The following XPO6 variants were observed in gnomAD, a reference collection of about 807,000 sequenced individuals.
The protein encoded by XPO6 is exportin-6.
XPO6 carries 3 observed loss-of-function variants against 130.0 expected under a neutral mutation model. That is an observed-to-expected ratio of 0.02 (90% confidence interval 0.01 to 0.06). XPO6 has a LOEUF of 0.06. Among genes scored for constraint, XPO6 ranks in the 10% least tolerant of loss-of-function variants. The pLI is 1.00. For synonymous variants in XPO6, 524 were observed against 548.9 expected, an observed-to-expected ratio of 0.95 and a Z score of 0.63; for missense variants, 970 against 1,393.0, an observed-to-expected ratio of 0.70 and a Z score of 4.83.
intron 1 of XPO6, among the ~76,000 whole-genome samples, chr16:28,205,303 C>T (rs747177273): frequency 3.9e-5 from 6 of 152,188 alleles, no homozygotes; most frequent in Non-Finnish European, 8.8e-5. Context: ...CCTTCACTCT[C>T]ACTTCACACC....
At position 28,175,879 on chromosome 16, in the gene XPO6, T is replaced by G; in HGVS notation, c.405+19A>C. ...AACAAACTATTCACAAGATAAAGTT[T>G]CCTTAGGCATATCCTTACCTGTAAA... On this transcript the variant is annotated intron_variant, in intron 4 of 23. Coordinates refer to ENST00000304658, the MANE Select transcript of XPO6 (RefSeq NM_015171.4). The G allele has an allele frequency of 6.2e-7, 1 of 1,607,660 alleles. No homozygotes were observed. Among genetic ancestry groups the G allele is most frequent in the Non-Finnish European group, 8.5e-7 (1 of 1,174,364 alleles).
intron 8 of XPO6, among the ~76,000 whole-genome samples, chr16:28,150,278 C>G (rs1024610777): frequency 1.3e-5 from 2 of 152,150 alleles, no homozygotes; most frequent in African/African-American, 4.8e-5. Context: ...ATTCCAGGTA[C>G]AGAGAGGAGG....
intron 1 of XPO6, among the ~76,000 whole-genome samples, chr16:28,198,998 G>C (rs2043911786): frequency 6.6e-6 from 1 of 152,034 alleles, no homozygotes; most frequent in African/African-American, 2.4e-5. Context: ...ATAAAAATTA[G>C]CCGGGCGTGG....
intron 4 of XPO6, among the ~76,000 whole-genome samples, chr16:28,171,735 T>A (rs186275868): frequency 2.0e-5 from 3 of 152,338 alleles, no homozygotes; most frequent in Admixed American, 2.0e-4. Flanking sequence ...TTCTACAAAT[T>A]GGGCCTATTT....
rs549297751 is a variant in XPO6, at chr16:28,184,665, G to C, written c.4-3634C>G. Among the ~76,000 whole-genome samples the C allele has an allele frequency of 2.0e-5, 3 of 150,888 alleles. No individual in the cohort carries two copies. In the East Asian group the frequency reaches 5.8e-4, roughly 29 times the overall value. On this transcript the variant is annotated intron_variant, in intron 1 of 23. Coordinates refer to ENST00000304658, the MANE Select transcript of XPO6 (RefSeq NM_015171.4). Reference sequence around the variant, plus strand: ...CAGGCAAATAATTAATTATAAAAGAGGGTATTCAAAAAGCCTATAAATAAG... The same window carrying C: ...CAGGCAAATAATTAATTATAAAAGACGGTATTCAAAAAGCCTATAAATAAG...
intron 21 of XPO6, among the ~76,000 whole-genome samples, chr16:28,103,926 G>C (rs1300175482): frequency 6.6e-6 from 1 of 152,240 alleles, no homozygotes; most frequent in Admixed American, 6.5e-5. Context: ...CCCCTAGCTA[G>C]ACTCAGATGA....
intron 13 of XPO6, among the ~76,000 whole-genome samples, chr16:28,123,718 T>C (rs1285470615): frequency 6.6e-6 from 1 of 152,162 alleles, no homozygotes; most frequent in Non-Finnish European, 1.5e-5. Flanking sequence ...CAGAAAACAA[T>C]ATACCAATAT....
At position 28,156,409 on chromosome 16, in the gene XPO6, G is replaced by A; in HGVS notation, c.762C>T (p.Ala254=). The A allele has an allele frequency of 6.2e-7, 1 of 1,613,934 alleles. No homozygotes were observed. Among genetic ancestry groups the A allele is most frequent in the Non-Finnish European group, 8.5e-7 (1 of 1,179,996 alleles). The change falls in exon 7 of 24, where the codon GCC becomes GCT. Residue 254 remains alanine (A), a synonymous_variant. Coordinates refer to ENST00000304658, the MANE Select transcript of XPO6 (RefSeq NM_015171.4). ...ACAGAGGAATCCAACTGAAGAGATGGGCCAGGCACTCCAAAGCCAGGGAAC... is the reference window on the plus strand; with the variant it reads ...ACAGAGGAATCCAACTGAAGAGATGAGCCAGGCACTCCAAAGCCAGGGAAC... ...YICSLALECL[A]HLFSWIPLSA...
intron 20 of XPO6, among the ~76,000 whole-genome samples, chr16:28,105,101 T>C (rs2086744353): frequency 6.6e-6 from 1 of 152,246 alleles, no homozygotes; most frequent in Non-Finnish European, 1.5e-5. Context: ...ATCTTCTTGC[T>C]TGTTCCTTTT....
At chr16:28,193,011 T>A (rs1446058352) in intron 1 of XPO6, among the ~76,000 whole-genome samples, 1 of 152,166 alleles carries the variant, frequency 6.6e-6, no homozygotes. Context: ...GCATTCTTCA[T>A]CTGTATTGGC....
intron 4 of XPO6, among the ~76,000 whole-genome samples, chr16:28,172,504 A>C (rs976291263): frequency 1.3e-5 from 2 of 152,146 alleles, no homozygotes; most frequent in Non-Finnish European, 2.9e-5. Flanking sequence ...CAGGAATTTG[A>C]AGAACAGGTT....
At position 28,156,499 on chromosome 16, in the gene XPO6, A is replaced by G. The variant is rs374385487; in HGVS notation, c.672T>C (p.Ser224=). 2 of 1,586,216 alleles carry G rather than the reference A, an allele frequency of 1.3e-6. No individual in the cohort carries two copies. The highest frequency in any genetic ancestry group is 1.7e-5 in the Admixed American group (1 of 58,466). Residue 224 remains serine, a synonymous_variant, in exon 7 of 24, where the codon AGT becomes AGC. Transcript: ENST00000304658. ...GATTCAACAGTTTGGCTGAACTGGG[A>G]CTCTGCAACAGGTTACTCAGTAAGT... ...SGDLLSNLLQ[S]PSSAKLLNQP...
At chr16:28,107,392 T>A (rs1596783585) in intron 18 of XPO6, 130 bp downstream of exon 18, 2 of 1,110,134 alleles carry the variant, frequency 1.8e-6, no homozygotes, top group Non-Finnish European at 2.6e-6. Context: ...TTCCCCTCAG[T>A]ACCGGGTTTC....
chr16:28,116,420 C>T (rs1337034287), intron 15 of XPO6, among the ~76,000 whole-genome samples: 1 of 151,526 alleles, frequency 6.6e-6, no homozygotes, highest in East Asian at 1.9e-4. Context: ...CAAGATCACG[C>T]CACTGCACTC....
At chr16:28,118,506 C>T (rs2087131860) in intron 14 of XPO6, among the ~76,000 whole-genome samples, 2 of 152,116 alleles carry the variant, frequency 1.3e-5, no homozygotes, top group African/African-American at 2.4e-5. Flanking sequence ...GATTACAGGT[C>T]CATGCCACCA....
At chr16:28,151,941 G>A (rs2043098754) in intron 8 of XPO6, among the ~76,000 whole-genome samples, 1 of 152,188 alleles carries the variant, frequency 6.6e-6, no homozygotes, top group Non-Finnish European at 1.5e-5. Flanking sequence ...ATCTAAAATT[G>A]TACTGTGGTG....
chr16:28,111,667 C>T, intron 17 of XPO6, 150 bp downstream of exon 17: 1 of 746,706 alleles, frequency 1.3e-6, no homozygotes, highest in Non-Finnish European at 2.1e-6. Flanking sequence ...AGCAGGATCC[C>T]ACCCCCAAGT....
At chr16:28,182,057 G>A (rs1405946710) in intron 1 of XPO6, among the ~76,000 whole-genome samples, 1 of 152,094 alleles carries the variant, frequency 6.6e-6, no homozygotes, top group Admixed American at 6.5e-5. Flanking sequence ...AGTCATCACT[G>A]GTATAATTCT....
chr16:28,121,148 G>A (rs993111963), intron 14 of XPO6, among the ~76,000 whole-genome samples: 2 of 152,220 alleles, frequency 1.3e-5, no homozygotes, highest in Admixed American at 1.3e-4. Context: ...TAGATGTCCT[G>A]CTTCAAAATA....
Sources: gnomAD v4.1 joint callset for allele counts (sites outside exome capture counted in the v4.1 genomes callset) on GRCh38, gnomAD v4.1.1 for gene constraint, MANE v1.5 for transcripts, NCBI Gene and HGNC (gene_info 2026-07-23, HGNC 2026-07-21) for gene names.